The following COPZ2 variants were observed in gnomAD, a reference collection of about 807,000 sequenced individuals.
COPZ2 encodes coatomer subunit zeta-2.
A neutral mutation model predicts 33.2 loss-of-function variants in COPZ2; 30 were observed. The observed-to-expected ratio is 0.90, with a 90% CI of 0.68 to 1.23. The LOEUF (loss-of-function observed/expected upper bound fraction) is 1.23, where lower values mean the gene tolerates loss of function less well. Ranked by LOEUF, COPZ2 falls within the 50% of genes most tolerant of loss-of-function variation. The pLI is 0.00. For missense variants in COPZ2, 263 were observed against 262.4 expected (o/e 1.00, Z -0.02); for synonymous variants, 89 against 102.6 (o/e 0.87, Z 0.80).
At chr17:48,042,102 C>T (rs1050426178), upstream of COPZ2, among the ~76,000 whole-genome samples, 2 of 152,034 alleles carry the variant, frequency 1.3e-5, no homozygotes, top group African/African-American at 4.8e-5. Context: ...TCATCACCCC[C>T]ACATCTATCA....
chr17:48,034,293 A>G (rs1261929174), intron 2 of COPZ2, among the ~76,000 whole-genome samples: 2 of 152,114 alleles, frequency 1.3e-5, no homozygotes, highest in East Asian at 1.9e-4. Context: ...TTTTTAGTAG[A>G]CAGGGTTTCT....
At chr17:48,035,753 CTTTTTTT>C (rs368011148) in intron 2 of COPZ2, among the ~76,000 whole-genome samples, 3,980 of 131,504 alleles carry the variant, frequency 0.03, 72 homozygotes, top group African/African-American at 0.04. Context: ...TTTTTCTTTT[CTTTTTTT>C]TTTTTTTTTT....
upstream of COPZ2, among the ~76,000 whole-genome samples, chr17:48,039,839 C>A (rs887435158): frequency 2.0e-5 from 3 of 152,026 alleles, no homozygotes; most frequent in African/African-American, 7.3e-5. Context: ...TTCCCAGTGT[C>A]GGCCGGGCAC....
Position 48,032,176 on chromosome 17 carries a change from C to A in COPZ2, c.474G>T (p.Leu158=). 19 of 1,613,546 alleles carry A rather than the reference C, an allele frequency of 1.2e-5. No homozygotes were observed. Among genetic ancestry groups the A allele is most frequent in the Non-Finnish European group, 1.6e-5 (19 of 1,179,738 alleles). The change falls in exon 6 of 9, where the codon CTG becomes CTT. Residue 158 remains leucine, a synonymous_variant. Coordinates refer to ENST00000621465, the MANE Select transcript of COPZ2 (RefSeq NM_016429.4). ...CTCACCCGCCATCCACAATCTCGTC[C>A]AGCACCAAGAAGGCTCCGTCCATGT... ...LENMDGAFLV[L]DEIVDGGVIL...
At chr17:48,039,258 C>G (rs1285447610), upstream of COPZ2, among the ~76,000 whole-genome samples, 1 of 151,842 alleles carries the variant, frequency 6.6e-6, no homozygotes, top group Non-Finnish European at 1.5e-5. Context: ...AAGGCTTGAG[C>G]CCAGGAGTTC....
chr17:48,047,632 ACCG>A, the COPZ2 span: 1 of 151,178 alleles, frequency 6.6e-6, no homozygotes, highest in South Asian at 2.1e-4. Flanking sequence ...CACCTCTCAC[ACCG>A]CCAACGTTCC....
Position 48,037,279 on chromosome 17 carries a change from C to T in COPZ2, c.112-354G>A, listed in dbSNP as rs1356513490. On this transcript the variant is annotated intron_variant, in intron 1 of 8. Coordinates refer to ENST00000621465, the MANE Select transcript of COPZ2 (RefSeq NM_016429.4). The surrounding 1 kb of genome is among the most constrained non-coding windows in gnomAD (Gnocchi z 5.6). ...CGAGCCTCCTTCTTCCAGCTGATCC[C>T]TGGCCGGGCTGGACCTGCGCTATCA... 3 of 535,024 alleles carry T rather than the reference C, an allele frequency of 5.6e-6. No individual in the cohort carries two copies. The highest frequency in any genetic ancestry group is 2.5e-5 in the Admixed American group (1 of 40,680). The allele number at this position is 535,024 out of a possible 1,614,324, so 33.1% of individuals were successfully genotyped here. A position where few individuals can be genotyped will look rare whatever the true frequency, so the allele number is the denominator to read the frequency against.
In COPZ2 at chr17:48,032,545, G is replaced by A. The variant is rs571105872; in HGVS notation, c.416+141C>T. The A allele has an allele frequency of 2.8e-4, 206 of 741,578 alleles. No individual in the cohort carries two copies. In the African/African-American group the frequency reaches 3.3e-3, roughly 12 times the overall value. The allele number at this position is 741,578 out of a possible 1,614,324, so 45.9% of individuals were successfully genotyped here. On this transcript the variant is annotated intron_variant, in intron 5 of 8. Coordinates refer to ENST00000621465, the MANE Select transcript of COPZ2 (RefSeq NM_016429.4). ...GATGCTATAGCACAGCCCTACTTTC[G>A]TTCATTGTGTCGACTGTGAACTTTT...
At chr17:48,038,633 T>G (rs2037029174), upstream of COPZ2, among the ~76,000 whole-genome samples, 1 of 152,246 alleles carries the variant, frequency 6.6e-6, no homozygotes, top group Non-Finnish European at 1.5e-5. Context: ...ACCCTCATTT[T>G]AAGCAAAGAG....
At chr17:48,026,521 T>C in intron 8 of COPZ2, 46 bp from the exon 9 acceptor site, 1 of 1,403,488 alleles carries the variant, frequency 7.1e-7, no homozygotes, top group Non-Finnish European at 1.0e-6. Context: ...GAATGTCAAA[T>C]GCCTCCATAC....
chr17:48,037,749 G>A lies in COPZ2; in HGVS notation c.29C>T (p.Pro10Leu). ...CGCCGCGGCCCCCTCCCCCGGGTGC[G>A]GACGTGGCCAGGCCTCGGGCCGCTG... MQRPEAWPR[P>L]HPGEGAAAAQ... Residue 10 changes from proline (P) to leucine (L), a missense_variant, in exon 1 of 9, where the codon CCG becomes CTG. Pro to Leu is a moderately conservative substitution (Grantham distance 98). Coordinates refer to ENST00000621465, the MANE Select transcript of COPZ2 (RefSeq NM_016429.4). This position sits in a 1 kb window ranked among gnomAD's most constrained non-coding sequence, Gnocchi z 5.6. The A allele has an allele frequency of 9.5e-7, 1 of 1,047,896 alleles. No individual in the cohort carries two copies. The highest frequency in any genetic ancestry group is 1.1e-6 in the Non-Finnish European group (1 of 874,274). The allele number at this position is 1,047,896 out of a possible 1,614,324, so 64.9% of individuals were successfully genotyped here.
In COPZ2 at chr17:48,036,859, G is replaced by T. The variant is rs2036990782; in HGVS notation, c.178C>A (p.Leu60Met). ...GTGGGGTCAGAGGTTACCTTGGCCA[G>T]CAGCCGGCGCCCGTCATTATCTAGG... The part of the protein sequence containing the change: ...FILDNDGRRL[L>M]AKYYDDTFPS... The change falls in exon 2 of 9, where the codon CTG becomes ATG. Residue 60 changes from leucine to methionine, a missense_variant. Transcript: ENST00000621465. The T allele has an allele frequency of 6.2e-7, 1 of 1,613,726 alleles. No individual in the cohort carries two copies. The highest frequency in any genetic ancestry group is 1.7e-5 in the Admixed American group (1 of 59,992).
Position 48,037,597 on chromosome 17 carries a change from T to C in COPZ2, c.111+70A>G. ...GGCGCGCGAGTTCTGAGTTGGCTGC[T>C]CCCCCTAACCCTGCTCTGTCCCTGC... On this transcript the variant is annotated intron_variant, in intron 1 of 8. Coordinates refer to ENST00000621465, the MANE Select transcript of COPZ2 (RefSeq NM_016429.4). The surrounding 1 kb of genome is among the most constrained non-coding windows in gnomAD (Gnocchi z 5.6). 1 of 1,047,552 alleles carries C rather than the reference T, an allele frequency of 9.5e-7. No individual in the cohort carries two copies. The highest frequency in any genetic ancestry group is 3.5e-5 in the South Asian group (1 of 28,550). The allele number at this position is 1,047,552 out of a possible 1,614,324, so 64.9% of individuals were successfully genotyped here. A position where few individuals can be genotyped will look rare whatever the true frequency, so the allele number is the denominator to read the frequency against.
At chr17:48,031,699 T>G (rs948486561) in intron 6 of COPZ2, 3 of 181,396 alleles carry the variant, frequency 1.7e-5, no homozygotes, top group African/African-American at 7.1e-5. Context: ...ACCTCCATCC[T>G]AAAGATGGAG....
intron 6 of COPZ2, among the ~76,000 whole-genome samples, chr17:48,030,090 C>A (rs1200935258): frequency 6.6e-6 from 1 of 151,974 alleles, no homozygotes; most frequent in Non-Finnish European, 1.5e-5. Context: ...TCGAGACCAG[C>A]CTGGCCAATA....
chr17:48,028,758 A>G lies in COPZ2; in HGVS notation c.547-248T>C, dbSNP rs2036850753. 6.6e-6 allele frequency among the ~76,000 whole-genome samples: 1 copy of G among 152,132 alleles called. No individual in the cohort carries two copies. The highest frequency in any genetic ancestry group is 1.5e-5 in the Non-Finnish European group (1 of 68,008). On this transcript the variant is annotated intron_variant, in intron 7 of 8. Transcript: ENST00000621465. The surrounding 1 kb of genome is among the most constrained non-coding windows in gnomAD (Gnocchi z 4.5). ...GAAGAAAGATGGGAAGAAAGGTTTC[A>G]TCCAGACATGAGAAAGCCAAACAAG...
chr17:48,037,235 G>C lies in COPZ2; in HGVS notation c.112-310C>G, dbSNP rs1241299605. 1 of 610,740 alleles carries C rather than the reference G, an allele frequency of 1.6e-6. No homozygotes were observed. The allele number at this position is 610,740 out of a possible 1,614,324, so 37.8% of individuals were successfully genotyped here. A position where few individuals can be genotyped will look rare whatever the true frequency, so the allele number is the denominator to read the frequency against. ...AGTCGGAGTGTATCACAGAACCTGG[G>C]CCGGGGGGGACAGCGGGCCGAGCCT... On this transcript the variant is annotated intron_variant, in intron 1 of 8. Transcript: ENST00000621465. The surrounding 1 kb of genome is among the most constrained non-coding windows in gnomAD (Gnocchi z 5.6).
At chr17:48,035,822 C>T (rs1353221870) in intron 2 of COPZ2, among the ~76,000 whole-genome samples, 4 of 144,076 alleles carry the variant, frequency 2.8e-5, no homozygotes, top group African/African-American at 7.7e-5. Context: ...GGTGTGATCT[C>T]GGCTCACTGC....
At chr17:48,040,112 A>G (rs996587387), upstream of COPZ2, among the ~76,000 whole-genome samples, 3 of 144,240 alleles carry the variant, frequency 2.1e-5, no homozygotes, top group Non-Finnish European at 4.6e-5. Context: ...AGAGAGCGAG[A>G]ACCTGCTACC....
Sources: gnomAD v4.1 joint callset for allele counts (sites outside exome capture counted in the v4.1 genomes callset) on GRCh38, gnomAD v4.1.1 for gene constraint, Gnocchi (gnomAD v3.1) non-coding constraint, MANE v1.5 for transcripts, NCBI Gene and HGNC (gene_info 2026-07-23, HGNC 2026-07-21) for gene names.